ANKFN1: variants seen among roughly 807,000 people sequenced by gnomAD.
ANKFN1 encodes ankyrin repeat and fibronectin type-III domain-containing protein 1.
ANKFN1 carries 74 observed loss-of-function variants against 108.7 expected under a neutral mutation model. That is an observed-to-expected ratio of 0.68 (90% CI 0.56 to 0.83). The LOEUF is 0.83. Ranked by LOEUF, ANKFN1 falls within the 40% of genes least tolerant of loss-of-function variation. ANKFN1 has a pLI of 0.00. For synonymous variants in ANKFN1, 547 were observed against 516.2 expected, an observed-to-expected ratio of 1.06 and a Z score of -0.81; for missense variants, 1,505 against 1,382.3, an observed-to-expected ratio of 1.09 and a Z score of -1.41.
intron 1 of ANKFN1, among the ~76,000 whole-genome samples, chr17:56,156,074 C>T (rs1909084153): frequency 6.7e-6 from 1 of 148,928 alleles, no homozygotes; most frequent in East Asian, 2.0e-4. Flanking sequence ...CTCTCTCTCA[C>T]TCTTTTTTTT....
rs1348835890 is a variant in ANKFN1, at chr17:56,512,581, T to G, written c.*1312T>G. On this transcript the variant is annotated 3_prime_UTR_variant, in exon 21 of 21. Transcript: ENST00000682825. Reference sequence around the variant, plus strand: ...CTGCATATTCAGAAAAGGCACAAGTTTCCTCATCTCCTGGAGCCAAGACCC... The same window carrying G: ...CTGCATATTCAGAAAAGGCACAAGTGTCCTCATCTCCTGGAGCCAAGACCC... 6.6e-5 allele frequency among the ~76,000 whole-genome samples: 10 copies of G among 152,230 alleles called. No homozygotes were observed. Among genetic ancestry groups the G allele is most frequent in the Admixed American group, 6.5e-4 (10 of 15,292 alleles).
chr17:56,398,059 T>C (rs373604343), intron 8 of ANKFN1, among the ~76,000 whole-genome samples: 4 of 152,220 alleles, frequency 2.6e-5, no homozygotes, highest in South Asian at 2.1e-4. Flanking sequence ...CAGGGGACCA[T>C]GTAAGCTTCT....
At chr17:56,135,754 TA>T (rs1907565704) in intron 4 of ANKFN1, among the ~76,000 whole-genome samples, 1 of 152,208 alleles carries the variant, frequency 6.6e-6, no homozygotes, top group African/African-American at 2.4e-5. Flanking sequence ...CTATTTACTC[TA>T]TGTTTAAGCT....
intron 8 of ANKFN1, among the ~76,000 whole-genome samples, chr17:56,377,528 T>A (rs1216590001): frequency 1.3e-5 from 2 of 152,212 alleles, no homozygotes; most frequent in Non-Finnish European, 2.9e-5. Context: ...CTCTCTGGAT[T>A]CAAAGGAGGC....
In ANKFN1 at chr17:56,272,574, C is replaced by A. The variant is rs117089171; in HGVS notation, c.53+44617C>A. Reference sequence around the variant, plus strand: ...TACCATATTTTGTTAATCCATTAATCCATCCATGGACAATTTGGTTGCTTC... The same window carrying A: ...TACCATATTTTGTTAATCCATTAATACATCCATGGACAATTTGGTTGCTTC... On this transcript the variant is annotated intron_variant, in intron 3 of 20. Transcript: ENST00000682825. 3.5e-4 allele frequency among the ~76,000 whole-genome samples: 54 copies of A among 152,224 alleles called. 1 individual carries two copies. Among genetic ancestry groups the A allele is most frequent in the Non-Finnish European group, 5.4e-4 (37 of 68,026 alleles).
At chr17:56,275,620 G>A (rs2043908236) in intron 3 of ANKFN1, among the ~76,000 whole-genome samples, 1 of 152,188 alleles carries the variant, frequency 6.6e-6, no homozygotes, top group African/African-American at 2.4e-5. Flanking sequence ...CAAGGAGACT[G>A]TTTTGGGCAA....
At chr17:56,251,477 G>A (rs182455311) in intron 3 of ANKFN1, among the ~76,000 whole-genome samples, 153 of 152,308 alleles carry the variant, frequency 1.0e-3, no homozygotes, top group African/African-American at 3.6e-3. Flanking sequence ...TGAAGCCTCT[G>A]TTTGGGGCAG....
At chr17:56,134,177 CAGGTGGGAGAGAT>C (rs1403043351) in intron 4 of ANKFN1, among the ~76,000 whole-genome samples, 2 of 151,990 alleles carry the variant, frequency 1.3e-5, no homozygotes, top group African/African-American at 2.4e-5. Context: ...GATGAACAGG[CAGGTGGGAGAGAT>C]ATGTAGGGTG....
At chr17:56,180,092 A>C (rs1420766317) in intron 1 of ANKFN1, among the ~76,000 whole-genome samples, 1 of 152,292 alleles carries the variant, frequency 6.6e-6, no homozygotes, top group Non-Finnish European at 1.5e-5. Context: ...GTAGCCTTCT[A>C]TTCCTCTTCT....
chr17:56,200,070 A>G (rs1045844039), intron 1 of ANKFN1, among the ~76,000 whole-genome samples: 1 of 152,220 alleles, frequency 6.6e-6, no homozygotes, highest in African/African-American at 2.4e-5. Context: ...AATTTTCAAA[A>G]TGCATGAATG....
At chr17:56,180,086 C>A (rs1165033584) in intron 1 of ANKFN1, among the ~76,000 whole-genome samples, 1 of 152,070 alleles carries the variant, frequency 6.6e-6, no homozygotes, top group Non-Finnish European at 1.5e-5. Context: ...ATGCATGTAG[C>A]CTTCTATTCC....
chr17:56,416,062 C>A (rs968741290), intron 8 of ANKFN1, among the ~76,000 whole-genome samples: 2 of 152,120 alleles, frequency 1.3e-5, no homozygotes, highest in Non-Finnish European at 2.9e-5. Flanking sequence ...CAAATCAAAT[C>A]AAGATGGATT....
rs545952848 is a variant in ANKFN1 at position 56,085,040 on chromosome 17, T to C, written c.288+38715T>C. Among the ~76,000 whole-genome samples, 48 of 150,958 alleles carry C rather than the reference T, an allele frequency of 3.2e-4. 4 individuals carry two copies. Among genetic ancestry groups the C allele is most frequent in the African/African-American group, 1.0e-3 (43 of 41,186 alleles). ...ACGTCTCCTGGTTTCAGTTTCCCAA[T>C]TGGTAAAATTAAAGTGCTGAGTTGT... On this transcript the variant is annotated intron_variant, in intron 4 of 12. Coordinates refer to the ANKFN1 transcript ENST00000635860.
intron 15 of ANKFN1, chr17:56,471,674 G>A (rs138337409): frequency 1.3e-5 from 2 of 152,302 alleles, no homozygotes; most frequent in African/African-American, 4.8e-5. Context: ...TAAACAAAAT[G>A]TGGTATATCC....
At chr17:56,450,673 A>C (rs1417655244) in intron 11 of ANKFN1, among the ~76,000 whole-genome samples, 3 of 152,116 alleles carry the variant, frequency 2.0e-5, no homozygotes, top group African/African-American at 7.2e-5. Flanking sequence ...CCTTTCCATC[A>C]CATCCCTGCC....
chr17:56,308,238 A>T (rs1428283606), intron 3 of ANKFN1, among the ~76,000 whole-genome samples: 2 of 49,320 alleles, frequency 4.1e-5, no homozygotes, highest in East Asian at 3.6e-4. Flanking sequence ...AAAGTATAAT[A>T]AAAAAAAAAA....
intron 3 of ANKFN1, among the ~76,000 whole-genome samples, chr17:56,229,661 CAAAAA>C (rs58714064): frequency 0.022 from 864 of 39,988 alleles, 4 homozygotes; most frequent in African/African-American, 0.053. Context: ...TTTCAGATTG[CAAAAA>C]AAAAAAAAAA....
Position 56,090,565 on chromosome 17 carries a change from G to A in ANKFN1, c.288+44240G>A, listed in dbSNP as rs913617536. On this transcript the variant is annotated intron_variant, in intron 4 of 12. Transcript: ENST00000635860. ...ATAGTCACAAACACTGTCTACTCTA[G>A]ATTCTAATACAAAATTGTATCTGGC... 1.6e-4 allele frequency among the ~76,000 whole-genome samples: 24 copies of A among 151,142 alleles called. 3 individuals are homozygous for A. The highest frequency in any genetic ancestry group is 1.4e-3 in the Admixed American group (21 of 15,168).
chr17:56,493,521 G>A (rs796186426), intron 19 of ANKFN1, among the ~76,000 whole-genome samples: 17 of 152,128 alleles, frequency 1.1e-4, no homozygotes, highest in African/African-American at 4.1e-4. Context: ...AGTGATGAGA[G>A]GTAGAAATTA....
Sources: gnomAD v4.1 joint callset for allele counts (sites outside exome capture counted in the v4.1 genomes callset) on GRCh38, gnomAD v4.1.1 for gene constraint, MANE v1.5 for transcripts, NCBI Gene and HGNC (gene_info 2026-07-23, HGNC 2026-07-21) for gene names.